The following LDHA variants were observed in gnomAD, a reference collection of about 807,000 sequenced individuals.
The protein encoded by LDHA is lactate dehydrogenase A.
A neutral mutation model predicts 36.3 loss-of-function variants in LDHA; 10 were observed. The ratio of observed to expected loss-of-function variants is 0.28; its 90% CI spans 0.17 to 0.47. The LOEUF is 0.47. LDHA is among the 20% of genes least tolerant of loss of function. The pLI, the probability that LDHA is intolerant of heterozygous loss-of-function variation, is 0.99. For synonymous variants in LDHA, 110 were observed against 136.7 expected, an observed-to-expected ratio of 0.80 and a Z score of 1.36; for missense variants, 267 against 405.8, an observed-to-expected ratio of 0.66 and a Z score of 2.94.
chr11:18,405,943 C>T (rs1866667314), intron 7 of LDHA: 1 of 244,878 alleles, frequency 4.1e-6, no homozygotes, highest in Non-Finnish European at 8.1e-6. Flanking sequence ...CATAACTGAA[C>T]ACCTGGAAAG....
chr11:18,399,373 C>T (rs1439355363), intron 2 of LDHA, 58 bp from the exon 3 acceptor site: 6 of 1,196,608 alleles, frequency 5.0e-6, no homozygotes, highest in South Asian at 1.2e-5. Flanking sequence ...TTTTCATGCT[C>T]TTCTAAAAAT....
At chr11:18,402,349 G>A (rs190643188) in intron 4 of LDHA, among the ~76,000 whole-genome samples, 82 of 152,182 alleles carry the variant, frequency 5.4e-4, no homozygotes, top group African/African-American at 1.9e-3. Context: ...CGCCCAAGCT[G>A]GAGGGCAATG....
Position 18,399,667 on chromosome 11 carries a change from G to C in LDHA, c.244+119G>C, listed in dbSNP as rs537881978. The C allele has an allele frequency of 3.8e-6, 3 of 779,714 alleles. No homozygotes were observed. The Admixed American group carries it at 5.3e-5, about 14-fold the overall frequency. The allele number at this position is 779,714 out of a possible 1,614,324, so 48.3% of individuals were successfully genotyped here. On this transcript the variant is annotated intron_variant, in intron 3 of 7. Coordinates refer to ENST00000422447, the MANE Select transcript of LDHA (RefSeq NM_005566.4). ...CACAATTATGGCTCACCACAGCCTC[G>C]AACCCTGGGCTCAAGCAATCCTCCT...
Position 18,394,588 on chromosome 11 carries a change from C to T in LDHA, c.-73C>T. 1 of 454,118 alleles carries T rather than the reference C, an allele frequency of 2.2e-6. No homozygotes were observed. Among genetic ancestry groups the T allele is most frequent in the Non-Finnish European group, 4.4e-6 (1 of 226,796 alleles). The allele number at this position is 454,118 out of a possible 1,614,324, so 28.1% of individuals were successfully genotyped here. ...GTGCTGCAGCCGCTGCCGCCGATTC[C>T]GGATCTCATTGCCACGCGCCCCCGA... is the stretch of plus-strand genomic sequence containing the variant. On this transcript the variant is annotated 5_prime_UTR_variant, in exon 1 of 8. Coordinates refer to ENST00000422447, the MANE Select transcript of LDHA (RefSeq NM_005566.4).
chr11:18,396,636 C>T (rs922717117), intron 1 of LDHA, 183 bp from the exon 2 acceptor site: 29 of 1,409,994 alleles, frequency 2.1e-5, no homozygotes, highest in Non-Finnish European at 2.6e-5. Flanking sequence ...CTTCACAGAC[C>T]CTGTCATTAG....
chr11:18,407,047 T>TTTA, intron 7 of LDHA, 70 bp from the exon 8 acceptor site: 1 of 1,208,064 alleles, frequency 8.3e-7, no homozygotes, highest in Non-Finnish European at 1.2e-6. Context: ...TTATAGAGAC[T>TTTA]GTAAGTCTTG....
intron 3 of LDHA, chr11:18,400,153 T>C (rs1866430247): frequency 5.7e-6 from 1 of 176,758 alleles, no homozygotes; most frequent in Non-Finnish European, 1.2e-5. Context: ...CCACATCCTT[T>C]CACACACGAA....
rs1554960741 is a variant in LDHA, at chr11:18,398,629, T to TTTTTTTTTTTTTTTTTC, written c.127-802_127-801insTTTTTTTTTTTTTTTTC. ...TTTTTTTTTTTTTTTTTTTTTTTTT[T>TTTTTTTTTTTTTTTTTC]CTGAGAAGGAGTCTCGCCGTGTCGC... On this transcript the variant is annotated intron_variant, in intron 2 of 7. Transcript: ENST00000422447. 2.3e-5 allele frequency: 2 copies of TTTTTTTTTTTTTTTTTC among 87,612 alleles called. 1 individual carries two copies. Among genetic ancestry groups the TTTTTTTTTTTTTTTTTC allele is most frequent in the African/African-American group, 8.2e-5 (2 of 24,464 alleles). The allele number at this position is 87,612 out of a possible 1,614,324, so 5.4% of individuals were successfully genotyped here. A position where few individuals can be genotyped will look rare whatever the true frequency, so the allele number is the denominator to read the frequency against.
At chr11:18,406,128 G>A (rs943778501) in intron 7 of LDHA, among the ~76,000 whole-genome samples, 9 of 152,096 alleles carry the variant, frequency 5.9e-5, no homozygotes, top group Admixed American at 4.6e-4. Context: ...ACCACGCCCG[G>A]CTACTTTTTG....
At chr11:18,398,303 A>G (rs1255944430) in intron 2 of LDHA, among the ~76,000 whole-genome samples, 1 of 152,212 alleles carries the variant, frequency 6.6e-6, no homozygotes, top group Non-Finnish European at 1.5e-5. Context: ...TTTATCCATA[A>G]CTGTTAGTAT....
rs1250734519 is a variant in LDHA, at chr11:18,408,257, G to A, written c.*976G>A. 1 of 452,614 alleles carries A rather than the reference G, an allele frequency of 2.2e-6. No individual in the cohort carries two copies. The highest frequency in any genetic ancestry group is 2.0e-5 in the African/African-American group (1 of 49,922). 28.0% of individuals were successfully genotyped at this position (452,614 alleles called of 1,614,324 possible). A position where few individuals can be genotyped will look rare whatever the true frequency, so the allele number is the denominator to read the frequency against. ...GCCTATAATCCCAGCACTTTGGGAAGCCCAGGTGGGCTGATCACTGGAGGC... is the reference window on the plus strand; with the variant it reads ...GCCTATAATCCCAGCACTTTGGGAAACCCAGGTGGGCTGATCACTGGAGGC... On this transcript the variant is annotated 3_prime_UTR_variant, in exon 8 of 8. Coordinates refer to ENST00000422447, the MANE Select transcript of LDHA (RefSeq NM_005566.4).
Position 18,399,521 on chromosome 11 carries a change from A to G in LDHA, c.217A>G (p.Arg73Gly), listed in dbSNP as rs191747797. ...MDLQHGSLFL[R>G]TPKIVSGKDY... ...TCTCCAACATGGCAGCCTTTTCCTT[A>G]GAACACCAAAGATTGTCTCTGGCAA... The change falls in exon 3 of 8, where the codon AGA becomes GGA. Residue 73 changes from arginine to glycine, a missense_variant. By Grantham distance (125) the Arg-to-Gly change is moderately radical. Transcript: ENST00000422447. The G allele has an allele frequency of 7.5e-5, 121 of 1,608,366 alleles. No homozygotes were observed. Among genetic ancestry groups the G allele is most frequent in the Non-Finnish European group, 4.3e-6 (5 of 1,174,752 alleles).
At chr11:18,402,615 A>G (rs1411261297) in intron 4 of LDHA, 1 of 473,478 alleles carries the variant, frequency 2.1e-6, no homozygotes, top group East Asian at 4.1e-5. Flanking sequence ...CTTTTTGAAT[A>G]ATTAATGGAC....
intron 2 of LDHA, 71 bp from the exon 3 acceptor site, chr11:18,399,360 A>T: frequency 9.2e-7 from 1 of 1,085,212 alleles, no homozygotes. Context: ...GAAATATAGA[A>T]ATTTTTCATG....
At chr11:18,394,985 G>T (rs1160073856) in intron 1 of LDHA, 1 of 236,784 alleles carries the variant, frequency 4.2e-6, no homozygotes, top group Non-Finnish European at 8.6e-6. Context: ...CGAAATCGGC[G>T]GGCGGTGCAA....
In LDHA at chr11:18,407,090, A is replaced by ATTTTTT. The variant is rs35006409; in HGVS notation, c.835-20_835-15dup. Reference sequence around the variant, plus strand: ...TGGGAATGCATAGACAAAATGTGAGATTTTTTTTTTTTCATTTCATCTTCA... The same window carrying ATTTTTT: ...TGGGAATGCATAGACAAAATGTGAGATTTTTTTTTTTTTTTTTTCATTTCATCTTCA... On this transcript the variant is annotated intron_variant, in intron 7 of 7. Coordinates refer to ENST00000422447, the MANE Select transcript of LDHA (RefSeq NM_005566.4). The ATTTTTT allele has an allele frequency of 4.5e-4, 654 of 1,451,522 alleles. 1 individual carries two copies. Among genetic ancestry groups the ATTTTTT allele is most frequent in the Non-Finnish European group, 5.3e-4 (558 of 1,057,064 alleles). The allele number at this position is 1,451,522 out of a possible 1,614,324, so 89.9% of individuals were successfully genotyped here. A position where few individuals can be genotyped will look rare whatever the true frequency, so the allele number is the denominator to read the frequency against.
rs1042342340 is a variant in LDHA at position 18,400,865 on chromosome 11, G to C, written c.273G>C (p.Leu91=). ...KDYNVTANSK[L]VIITAGARQQ... ...ATAATGTAACTGCAAACTCCAAGCT[G>C]GTCATTATCACGGCTGGGGCACGTC... The change falls in exon 4 of 8, where the codon CTG becomes CTC. Residue 91 remains leucine, a synonymous_variant. Transcript: ENST00000422447. 3 of 1,613,372 alleles carry C rather than the reference G, an allele frequency of 1.9e-6. No homozygotes were observed. Among genetic ancestry groups the C allele is most frequent in the African/African-American group, 2.7e-5 (2 of 74,856 alleles).
intron 2 of LDHA, among the ~76,000 whole-genome samples, chr11:18,398,236 C>T (rs546963323): frequency 6.6e-6 from 1 of 152,214 alleles, no homozygotes; most frequent in East Asian, 1.9e-4. Context: ...GACCTATGAA[C>T]TTTGAGTTGC....
chr11:18,397,047 T>A (rs1866329509), intron 2 of LDHA, 79 bp downstream of exon 2: 1 of 1,270,842 alleles, frequency 7.9e-7, no homozygotes, highest in African/African-American at 1.5e-5. Context: ...AGAACTGTAT[T>A]ATTACATTTC....
Sources: gnomAD v4.1 joint callset for allele counts (sites outside exome capture counted in the v4.1 genomes callset) on GRCh38, gnomAD v4.1.1 for gene constraint, MANE v1.5 for transcripts, NCBI Gene and HGNC (gene_info 2026-07-23, HGNC 2026-07-21) for gene names.